Variants in THSD7B observed in about 807,000 individuals in gnomAD.
The protein encoded by THSD7B is thrombospondin type-1 domain-containing protein 7B.
Under a neutral mutation model 213.6 loss-of-function variants are expected in THSD7B, and 138 were observed. That is an observed-to-expected ratio of 0.65 (90% CI 0.56 to 0.74). The LOEUF is 0.74. THSD7B is among the 30% of genes least tolerant of loss of function. THSD7B has a pLI of 0.00. For synonymous variants in THSD7B, 742 were observed against 687.0 expected (o/e 1.08, Z -1.25); for missense variants, 1,931 against 1,991.5 (o/e 0.97, Z 0.58).
At chr2:137,438,278 A>T (rs979011400) in intron 14 of THSD7B, among the ~76,000 whole-genome samples, 1 of 152,166 alleles carries the variant, frequency 6.6e-6, no homozygotes, top group Admixed American at 6.5e-5. Flanking sequence ...GTTATCTACC[A>T]TGACACTATG....
At chr2:137,107,201 G>A (rs894764648) in intron 4 of THSD7B, among the ~76,000 whole-genome samples, 1 of 152,300 alleles carries the variant, frequency 6.6e-6, no homozygotes, top group South Asian at 2.1e-4. Context: ...GGAATACTAT[G>A]CAGCCATAAA....
At chr2:136,883,729 C>A (rs1255499646) in intron 2 of THSD7B, among the ~76,000 whole-genome samples, 1 of 152,096 alleles carries the variant, frequency 6.6e-6, no homozygotes, top group Non-Finnish European at 1.5e-5. Context: ...AAAAGTAGGT[C>A]ATTGGAACAA....
chr2:137,180,680 A>G (rs953316690), intron 7 of THSD7B, among the ~76,000 whole-genome samples: 1 of 152,200 alleles, frequency 6.6e-6, no homozygotes, highest in African/African-American at 2.4e-5. Flanking sequence ...TAAAGTCACT[A>G]AACTAGTAAT....
intron 2 of THSD7B, among the ~76,000 whole-genome samples, chr2:137,031,427 C>A (rs573702988): frequency 6.6e-6 from 1 of 152,248 alleles, no homozygotes; most frequent in East Asian, 1.9e-4. Flanking sequence ...AGTAGTCTCT[C>A]ATTTTTTGCT....
chr2:136,847,893 C>T (rs867286345), intron 1 of THSD7B, among the ~76,000 whole-genome samples: 5 of 152,210 alleles, frequency 3.3e-5, no homozygotes, highest in Middle Eastern at 6.8e-3. Context: ...AACCATGCAG[C>T]CCAGCTTAGC....
At chr2:137,661,604 CT>C (rs1050355348) in intron 25 of THSD7B, among the ~76,000 whole-genome samples, 3 of 151,970 alleles carry the variant, frequency 2.0e-5, no homozygotes, top group African/African-American at 7.3e-5. Context: ...GCAGAATGTA[CT>C]TATGCTTGTA....
At chr2:137,084,845 C>T (rs888783212) in intron 3 of THSD7B, among the ~76,000 whole-genome samples, 2 of 152,144 alleles carry the variant, frequency 1.3e-5, no homozygotes, top group Admixed American at 1.3e-4. Context: ...TTTGTTACCA[C>T]AGTATAGCCT....
intron 1 of THSD7B, among the ~76,000 whole-genome samples, chr2:136,819,254 T>G (rs1682532635): frequency 6.6e-6 from 1 of 152,242 alleles, no homozygotes; most frequent in Non-Finnish European, 1.5e-5. Flanking sequence ...AGTATAATTA[T>G]GTAACTGCAG....
intron 12 of THSD7B, among the ~76,000 whole-genome samples, chr2:137,282,138 A>C (rs1203444740): frequency 5.3e-5 from 8 of 150,328 alleles, no homozygotes; most frequent in African/African-American, 7.3e-5. Flanking sequence ...TTTGATTTGC[A>C]TTTCTCTGAT....
chr2:137,384,920 G>A (rs1685857876), intron 12 of THSD7B, among the ~76,000 whole-genome samples: 1 of 152,112 alleles, frequency 6.6e-6, no homozygotes, highest in Admixed American at 6.5e-5. Flanking sequence ...GTGCCGAGAT[G>A]GGGTGGGATG....
chr2:137,221,884 T>G (rs1040693446), intron 7 of THSD7B, among the ~76,000 whole-genome samples: 3 of 152,210 alleles, frequency 2.0e-5, no homozygotes, highest in Non-Finnish European at 4.4e-5. Flanking sequence ...TCTAGATAAT[T>G]TGAAGTACTT....
chr2:137,655,476 G>T (rs927562181), intron 21 of THSD7B, 25 bp from the exon 22 acceptor site: 10 of 1,593,092 alleles, frequency 6.3e-6, no homozygotes, highest in East Asian at 4.5e-5. Flanking sequence ...TTGGGTAATT[G>T]TGAAAGTATC....
intron 2 of THSD7B, among the ~76,000 whole-genome samples, chr2:136,980,006 A>T (rs1363549573): frequency 2.0e-5 from 3 of 150,504 alleles, no homozygotes; most frequent in Non-Finnish European, 4.4e-5. Context: ...TTTTTTTTTT[A>T]AACAGACTCA....
At chr2:137,560,707 A>G (rs932582079) in intron 15 of THSD7B, among the ~76,000 whole-genome samples, 1 of 152,070 alleles carries the variant, frequency 6.6e-6, no homozygotes, top group Non-Finnish European at 1.5e-5. Flanking sequence ...AACTTAAGGT[A>G]TAATAAAATA....
At chr2:137,353,708 A>T (rs78460784) in intron 12 of THSD7B, among the ~76,000 whole-genome samples, 9 of 152,134 alleles carry the variant, frequency 5.9e-5, no homozygotes, top group Non-Finnish European at 2.9e-5. Context: ...TTATGGATAA[A>T]TACATACAAA....
At chr2:137,130,432 G>C (rs1171142444) in intron 5 of THSD7B, among the ~76,000 whole-genome samples, 1 of 151,716 alleles carries the variant, frequency 6.6e-6, no homozygotes, top group East Asian at 1.9e-4. Context: ...CAATGTGCAG[G>C]TTAGTTACAT....
chr2:136,885,781 A>G, intron 2 of THSD7B, among the ~76,000 whole-genome samples: 1 of 152,188 alleles, frequency 6.6e-6, no homozygotes. Context: ...TGAGAATAAA[A>G]TAGGCAAATC....
At chr2:136,852,636 T>C (rs1343725447) in intron 1 of THSD7B, among the ~76,000 whole-genome samples, 1 of 152,228 alleles carries the variant, frequency 6.6e-6, no homozygotes, top group Non-Finnish European at 1.5e-5. Context: ...ATACAATTGC[T>C]GTGGTTTTGA....
chr2:137,588,695 A>G (rs1389850715), intron 17 of THSD7B, among the ~76,000 whole-genome samples: 3 of 151,942 alleles, frequency 2.0e-5, no homozygotes, highest in African/African-American at 7.2e-5. Flanking sequence ...ATCACATAAT[A>G]ATGTGTATGT....
Sources: allele counts gnomAD v4.1 joint callset (sites outside exome capture counted in the v4.1 genomes callset), GRCh38; gene constraint gnomAD v4.1.1; transcripts MANE v1.5; gene names NCBI Gene and HGNC (gene_info 2026-07-23, HGNC 2026-07-21).